The following CPNE3 variants were observed in gnomAD, a reference collection of about 807,000 sequenced individuals.
CPNE3 encodes the protein copine-3.
A neutral mutation model predicts 63.9 loss-of-function variants in CPNE3; 68 were observed. The ratio of observed to expected loss-of-function variants is 1.06; its 90% CI spans 0.87 to 1.30. The LOEUF (loss-of-function observed/expected upper bound fraction) is 1.30. Ranked by LOEUF, CPNE3 falls within the 50% of genes most tolerant of loss-of-function variation. CPNE3 has a pLI of 0.00. For synonymous variants in CPNE3, 219 were observed against 197.5 expected, an observed-to-expected ratio of 1.11 and a Z score of -0.91; for missense variants, 665 against 578.1, an observed-to-expected ratio of 1.15 and a Z score of -1.54.
rs1821322710 is a variant in CPNE3, at chr8:86,556,204, A to T, written c.1357A>T (p.Ile453Phe). ...NASRLPMSII[I>F]VGVGGADFSA... ...CTCCAGGCTGCCTATGTCCATCATAATTGTTGGAGTTGGAGGTGCTGACTT... is the reference window on the plus strand; with the variant it reads ...CTCCAGGCTGCCTATGTCCATCATATTTGTTGGAGTTGGAGGTGCTGACTT... Residue 453 changes from isoleucine to phenylalanine, a missense_variant, in exon 16 of 17, where the codon ATT (isoleucine) becomes TTT (phenylalanine). Physicochemically the swap from Ile to Phe is conservative, Grantham distance 21 (BLOSUM62 0). Coordinates refer to ENST00000517490, the MANE Select transcript of CPNE3 (RefSeq NM_003909.5). 3 of 873,046 alleles carry T rather than the reference A, an allele frequency of 3.4e-6. No individual in the cohort carries two copies. The highest frequency in any genetic ancestry group is 6.0e-6 in the Non-Finnish European group (3 of 501,690). The allele number at this position is 873,046 out of a possible 1,614,324, so 54.1% of individuals were successfully genotyped here.
At chr8:86,520,662 CTT>C (rs113992927) in intron 2 of CPNE3, among the ~76,000 whole-genome samples, 5 of 139,948 alleles carry the variant, frequency 3.6e-5, no homozygotes, top group Non-Finnish European at 6.1e-5. Flanking sequence ...CCAGGCATTT[CTT>C]TTTTTTTTTT....
chr8:86,548,691 C>G (rs1435333555), intron 12 of CPNE3, among the ~76,000 whole-genome samples: 2 of 152,094 alleles, frequency 1.3e-5, no homozygotes, highest in Admixed American at 6.6e-5. Context: ...CTACTTACTT[C>G]CTGACTGAAT....
At chr8:86,526,680 T>G (rs1261566192) in intron 2 of CPNE3, among the ~76,000 whole-genome samples, 2 of 151,976 alleles carry the variant, frequency 1.3e-5, no homozygotes, top group Non-Finnish European at 2.9e-5. Flanking sequence ...ACCCAGCTAG[T>G]TTTTGTATTT....
chr8:86,516,032 T>C (rs760950225), intron 2 of CPNE3, among the ~76,000 whole-genome samples: 2 of 152,236 alleles, frequency 1.3e-5, no homozygotes, highest in Non-Finnish European at 1.5e-5. Context: ...CTTTTTGCCT[T>C]TGCGAGAATT....
chr8:86,520,500 G>A (rs1820410653), intron 2 of CPNE3, among the ~76,000 whole-genome samples: 1 of 151,224 alleles, frequency 6.6e-6, no homozygotes. Context: ...GGTTGCAAGT[G>A]AGCCAAGATC....
At chr8:86,552,971 C>G (rs945368113) in intron 14 of CPNE3, among the ~76,000 whole-genome samples, 1 of 17,274 alleles carries the variant, frequency 5.8e-5, no homozygotes, top group African/African-American at 1.1e-4. Context: ...CGCCCCCCCC[C>G]CCCCCCCGCC....
intron 11 of CPNE3, 52 bp from the exon 12 acceptor site, chr8:86,548,249 C>T: frequency 6.3e-6 from 10 of 1,596,794 alleles, no homozygotes; most frequent in South Asian, 1.1e-5. Context: ...GGACATCAAG[C>T]ACAGGTGTCC....
At chr8:86,542,793 C>T (rs1277105024) in intron 8 of CPNE3, among the ~76,000 whole-genome samples, 1 of 151,862 alleles carries the variant, frequency 6.6e-6, no homozygotes, top group African/African-American at 2.4e-5. Flanking sequence ...TTCAAGGGGA[C>T]AAGAGGGAGC....
At chr8:86,536,816 G>A (rs990886785) in intron 6 of CPNE3, among the ~76,000 whole-genome samples, 5 of 152,108 alleles carry the variant, frequency 3.3e-5, no homozygotes, top group Admixed American at 1.3e-4. Context: ...TGAGTGATTC[G>A]TACATTTTTC....
intron 7 of CPNE3, among the ~76,000 whole-genome samples, chr8:86,539,145 T>C (rs1820871438): frequency 6.6e-6 from 1 of 152,236 alleles, no homozygotes; most frequent in South Asian, 2.1e-4. Context: ...CAGTGTATGC[T>C]TTGTATTTAA....
At chr8:86,546,501 G>T in intron 9 of CPNE3, 94 bp from the exon 10 acceptor site, 1 of 1,305,558 alleles carries the variant, frequency 7.7e-7, no homozygotes, top group Non-Finnish European at 1.1e-6. Flanking sequence ...TAGGTAGTTT[G>T]ATTCTAAAGG....
At chr8:86,557,954 A>G (rs1453471632) in intron 16 of CPNE3, among the ~76,000 whole-genome samples, 5 of 152,298 alleles carry the variant, frequency 3.3e-5, no homozygotes, top group Middle Eastern at 3.4e-3. Context: ...GAATCTATAA[A>G]TGTTGTAAAA....
At chr8:86,551,494 A>G (rs1821177383) in intron 14 of CPNE3, 1 of 357,454 alleles carries the variant, frequency 2.8e-6, no homozygotes, top group Admixed American at 4.4e-5. Flanking sequence ...TCCTACCTTA[A>G]GAACTTTAAT....
chr8:86,531,719 T>C (rs957151406), intron 5 of CPNE3, among the ~76,000 whole-genome samples: 1 of 152,172 alleles, frequency 6.6e-6, no homozygotes. Context: ...ACCTGGGCTT[T>C]TCATTGCTGA....
intron 14 of CPNE3, among the ~76,000 whole-genome samples, chr8:86,553,749 GTTT>G (rs35185836): frequency 4.4e-5 from 6 of 137,716 alleles, no homozygotes; most frequent in African/African-American, 5.3e-5. Context: ...TTTACATTAA[GTTT>G]TTTTTTTTTT....
intron 10 of CPNE3, 97 bp from the exon 11 acceptor site, chr8:86,547,614 G>A (rs746628003): frequency 1.4e-6 from 1 of 696,812 alleles, no homozygotes; most frequent in Non-Finnish European, 2.6e-6. Context: ...ATCATGTCCT[G>A]TTCAATTTAC....
intron 9 of CPNE3, chr8:86,545,360 C>T (rs1404302397): frequency 6.6e-6 from 1 of 152,190 alleles, no homozygotes; most frequent in Non-Finnish European, 1.5e-5. Flanking sequence ...CTATGAAATA[C>T]TGAAAGCTGG....
intron 2 of CPNE3, among the ~76,000 whole-genome samples, chr8:86,528,276 A>G (rs1586831680): frequency 6.6e-6 from 1 of 152,278 alleles, no homozygotes; most frequent in Non-Finnish European, 1.5e-5. Context: ...CTTATTAGCC[A>G]TCTTAAAAGC....
chr8:86,546,175 C>A (rs1248114418), intron 9 of CPNE3, among the ~76,000 whole-genome samples: 1 of 150,460 alleles, frequency 6.6e-6, no homozygotes, highest in Non-Finnish European at 1.5e-5. Context: ...ATTTTTTTTT[C>A]TTTTCTTTGC....
Sources: gnomAD v4.1 joint callset for allele counts (sites outside exome capture counted in the v4.1 genomes callset) on GRCh38, gnomAD v4.1.1 for gene constraint, MANE v1.5 for transcripts, NCBI Gene and HGNC (gene_info 2026-07-23, HGNC 2026-07-21) for gene names.